The following ZNF385D variants were observed in gnomAD, a reference collection of about 807,000 sequenced individuals.
The protein encoded by ZNF385D is zinc finger protein 659.
In ZNF385D, 15 loss-of-function variants were observed where a neutral mutation model predicts 35.8. That is an observed-to-expected ratio of 0.42 (90% confidence interval 0.28 to 0.64). The LOEUF is 0.64. Ranked by LOEUF, ZNF385D falls within the 30% of genes least tolerant of loss-of-function variation. ZNF385D has a pLI of 0.23. For missense variants in ZNF385D, 474 were observed against 494.6 expected, an observed-to-expected ratio of 0.96 and a Z score of 0.39; for synonymous variants, 212 against 186.8, an observed-to-expected ratio of 1.13 and a Z score of -1.10.
At chr3:21,686,383 C>T (rs1016964061) in intron 1 of ZNF385D, among the ~76,000 whole-genome samples, 1 of 152,022 alleles carries the variant, frequency 6.6e-6, no homozygotes, top group African/African-American at 2.4e-5. Flanking sequence ...AAAAAATAAC[C>T]ATTTGTAGTT....
At chr3:22,152,943 A>G (rs111856444) in intron 3 of ZNF385D, among the ~76,000 whole-genome samples, 2,335 of 152,258 alleles carry the variant, frequency 0.015, 28 homozygotes, top group South Asian at 0.035. Flanking sequence ...TCAACAACCA[A>G]TTGTGTGTAC....
At chr3:21,739,260 C>T (rs898349140) in intron 1 of ZNF385D, among the ~76,000 whole-genome samples, 12 of 152,186 alleles carry the variant, frequency 7.9e-5, no homozygotes, top group Non-Finnish European at 1.3e-4. Context: ...TAAACATTTA[C>T]GAATCCGATG....
At chr3:21,777,892 C>A (rs1009041431) in intron 3 of ZNF385D, 2 of 151,754 alleles carry the variant, frequency 1.3e-5, no homozygotes, top group African/African-American at 2.4e-5. Context: ...AACAGAGACA[C>A]CCTAGCTAGC....
chr3:22,253,042 G>C (rs1020316056), intron 2 of ZNF385D, among the ~76,000 whole-genome samples: 6 of 152,068 alleles, frequency 3.9e-5, no homozygotes, highest in African/African-American at 9.7e-5. Context: ...AAAGCAAAGA[G>C]ATTTGGTAAT....
At chr3:22,135,426 T>C (rs1223120381) in intron 3 of ZNF385D, among the ~76,000 whole-genome samples, 1 of 152,138 alleles carries the variant, frequency 6.6e-6, no homozygotes, top group Non-Finnish European at 1.5e-5. Flanking sequence ...TTTCAAACAC[T>C]GTAACACCTC....
Position 21,421,033 on chromosome 3 carries a change from C to T in ZNF385D, c.*181G>A, listed in dbSNP as rs1410264858. ...ATGCTTTAATTTGGAGAAAATACCA[C>T]TCCCTCCCTCCCACCCCCAAACCTC... On this transcript the variant is annotated 3_prime_UTR_variant, in exon 8 of 8. Transcript: ENST00000281523. 3.4e-6 allele frequency: 1 copy of T among 289,958 alleles called. No homozygotes were observed. Among genetic ancestry groups the T allele is most frequent in the Non-Finnish European group, 6.9e-6 (1 of 145,360 alleles). 18.0% of individuals were successfully genotyped at this position (289,958 alleles called of 1,614,324 possible).
intron 2 of ZNF385D, among the ~76,000 whole-genome samples, chr3:22,305,381 G>C (rs140559604): frequency 7.6e-4 from 116 of 151,958 alleles, no homozygotes; most frequent in African/African-American, 2.8e-3. Context: ...ATAGTTCTTG[G>C]GATTACTAAC....
chr3:21,885,384 T>C lies in ZNF385D; in HGVS notation c.326-220356A>G, dbSNP rs1192017276. On this transcript the variant is annotated intron_variant, in intron 3 of 5. Coordinates refer to the ZNF385D transcript ENST00000494108. ...CGAATAATAATCAAATACTTACTTA[T>C]ACCCTAATATTGTGACACAATTGTT... is the stretch of plus-strand genomic sequence containing the variant. Among the ~76,000 whole-genome samples, 3 of 151,978 alleles carry C rather than the reference T, an allele frequency of 2.0e-5. 1 individual carries two copies. The highest frequency in any genetic ancestry group is 4.1e-4 in the South Asian group (2 of 4,828).
rs75684727 is a variant in ZNF385D, at chr3:21,734,270, C to T, written c.22+16625G>A. The stretch of plus-strand genomic sequence containing the variant: ...TAGATCCAGACTAGGCAGTAGGAAA[C>T]CCAGAACACTCAGGGTTTTTTTTTT... On this transcript the variant is annotated intron_variant, in intron 1 of 7. Transcript: ENST00000281523. Among the ~76,000 whole-genome samples the T allele has an allele frequency of 4.4e-3, 507 of 115,210 alleles. 9 individuals carry two copies. Among genetic ancestry groups the T allele is most frequent in the African/African-American group, 0.013 (433 of 32,790 alleles). 75.6% of individuals were successfully genotyped at this position (115,210 alleles called of 152,430 possible).
intron 3 of ZNF385D, among the ~76,000 whole-genome samples, chr3:21,942,256 C>A (rs1701560362): frequency 6.6e-6 from 1 of 152,070 alleles, no homozygotes; most frequent in Admixed American, 6.6e-5. Context: ...AAAATGACTC[C>A]TTTTTTAAAT....
At position 22,308,384 on chromosome 3, in the gene ZNF385D, A is replaced by G. The variant is rs892245666; in HGVS notation, c.106+64066T>C. 2.0e-5 allele frequency among the ~76,000 whole-genome samples: 3 copies of G among 152,122 alleles called. No homozygotes were observed. In the East Asian group the frequency reaches 5.8e-4, roughly 29 times the overall value. ...CCTTTCCAGCTTAATTATTATTTAA[A>G]GAAAACCAATTTTTATAACAAAAAC... is the stretch of plus-strand genomic sequence containing the variant. On this transcript the variant is annotated intron_variant, in intron 2 of 5. Coordinates refer to the ZNF385D transcript ENST00000494108.
intron 5 of ZNF385D, among the ~76,000 whole-genome samples, chr3:21,433,339 C>A (rs1701392715): frequency 6.6e-6 from 1 of 152,146 alleles, no homozygotes; most frequent in Admixed American, 6.6e-5. Flanking sequence ...GCTACAGACC[C>A]TATTTTATGT....
chr3:22,175,903 TTAAA>T (rs1461440660), intron 2 of ZNF385D, among the ~76,000 whole-genome samples: 2 of 148,788 alleles, frequency 1.3e-5, no homozygotes, highest in Non-Finnish European at 3.0e-5. Context: ...TGGTAAAACA[TTAAA>T]TATATATTAT....
At chr3:21,982,379 G>T (rs1002036415) in intron 3 of ZNF385D, among the ~76,000 whole-genome samples, 12 of 151,856 alleles carry the variant, frequency 7.9e-5, no homozygotes, top group Non-Finnish European at 1.6e-4. Context: ...TTTGGCTCTT[G>T]GTTTGGCTGT....
At chr3:22,347,088 A>C (rs1197288107) in intron 2 of ZNF385D, among the ~76,000 whole-genome samples, 1 of 151,782 alleles carries the variant, frequency 6.6e-6, no homozygotes, top group Non-Finnish European at 1.5e-5. Flanking sequence ...AATGAAAGTG[A>C]CATAAAGAGA....
chr3:21,972,309 A>G (rs1703307485), intron 3 of ZNF385D, among the ~76,000 whole-genome samples: 1 of 152,024 alleles, frequency 6.6e-6, no homozygotes, highest in Non-Finnish European at 1.5e-5. Flanking sequence ...ATACATGGAA[A>G]TTAAACAATA....
At chr3:21,451,415 G>A (rs556140884) in intron 4 of ZNF385D, among the ~76,000 whole-genome samples, 16 of 152,080 alleles carry the variant, frequency 1.1e-4, no homozygotes, top group African/African-American at 3.4e-4. Context: ...GATAGATTAC[G>A]CATCACTCAA....
At chr3:22,318,744 G>A (rs557783604) in intron 2 of ZNF385D, among the ~76,000 whole-genome samples, 1 of 152,168 alleles carries the variant, frequency 6.6e-6, no homozygotes, top group South Asian at 2.1e-4. Flanking sequence ...ACAACCCAGA[G>A]TATACTGGAA....
chr3:22,004,221 G>A (rs777756435), intron 3 of ZNF385D, among the ~76,000 whole-genome samples: 1 of 152,048 alleles, frequency 6.6e-6, no homozygotes, highest in Non-Finnish European at 1.5e-5. Flanking sequence ...TCAATAAATG[G>A]TACTGGGAAA....
Sources: allele counts gnomAD v4.1 joint callset (sites outside exome capture counted in the v4.1 genomes callset), GRCh38; gene constraint gnomAD v4.1.1; transcripts MANE v1.5; gene names NCBI Gene and HGNC (gene_info 2026-07-23, HGNC 2026-07-21).